The following STIP1 variants were observed in gnomAD, a reference collection of about 807,000 sequenced individuals.
The protein encoded by STIP1 is stress induced phosphoprotein 1, also known as stress-induced-phosphoprotein 1.
A neutral mutation model predicts 77.4 loss-of-function variants in STIP1; 16 were observed. The observed-to-expected ratio is 0.21, with a 90% CI of 0.14 to 0.31. STIP1 has a LOEUF of 0.31. Among genes scored for constraint, STIP1 ranks in the 10% least tolerant of loss-of-function variants. The pLI, the probability that STIP1 is intolerant of heterozygous loss-of-function variation, is 1.00. For missense variants in STIP1, 524 were observed against 684.8 expected (o/e 0.77, Z 2.62); for synonymous variants, 258 against 246.6 (o/e 1.05, Z -0.44).
At chr11:64,198,651 C>A (rs1946177807) in intron 8 of STIP1, among the ~76,000 whole-genome samples, 1 of 151,916 alleles carries the variant, frequency 6.6e-6, no homozygotes, top group African/African-American at 2.4e-5. Flanking sequence ...CTGGCTGAAC[C>A]TGATCTTTTT....
upstream of STIP1, chr11:64,186,041 G>A: frequency 3.2e-6 from 5 of 1,545,746 alleles, no homozygotes; most frequent in Admixed American, 5.9e-5. Flanking sequence ...ATTACTCCCC[G>A]CTGTCCAATG....
At chr11:64,197,434 G>T in intron 6 of STIP1, 37 bp downstream of exon 6, 2 of 1,614,128 alleles carry the variant, frequency 1.2e-6, no homozygotes, top group Non-Finnish European at 1.7e-6. Context: ...GAATTGTTGG[G>T]TGTCTCTGAG....
intron 2 of STIP1, 140 bp downstream of exon 2, chr11:64,193,427 A>G (rs1591007702): frequency 1.4e-6 from 1 of 731,676 alleles, no homozygotes; most frequent in African/African-American, 1.8e-5. Context: ...CAGAAATGGC[A>G]TTTTTCATCA....
intron 1 of STIP1, chr11:64,186,562 C>T (rs1200178242): frequency 7.9e-6 from 2 of 253,516 alleles, no homozygotes; most frequent in East Asian, 7.6e-5. Flanking sequence ...CGCGACCGGG[C>T]CCTGAAGGCG....
intron 8 of STIP1, 68 bp downstream of exon 8, chr11:64,198,042 T>G (rs1591012026): frequency 1.9e-6 from 3 of 1,547,266 alleles, no homozygotes; most frequent in East Asian, 2.3e-5. Flanking sequence ...TCTTACTGTT[T>G]TATTTAATAA....
chr11:64,185,934 C>A (rs1400685171), upstream of STIP1: 1 of 1,536,526 alleles, frequency 6.5e-7, no homozygotes, highest in South Asian at 1.2e-5. Context: ...ATCCGTGTCG[C>A]AGAAGTTCGC....
At chr11:64,186,116 T>C, upstream of STIP1, 3 of 1,550,618 alleles carry the variant, frequency 1.9e-6, no homozygotes, top group East Asian at 4.9e-5. Context: ...ACATTCCCCC[T>C]AGAAGAACTC....
rs550952149 is a variant in STIP1, at chr11:64,194,766, T to C, written c.503+146T>C. On this transcript the variant is annotated intron_variant, in intron 4 of 13. Coordinates refer to ENST00000305218, the MANE Select transcript of STIP1 (RefSeq NM_006819.3). ...TGCAGAGCAGTAGGTGGTGGTCGTTTATTTGTAATTATAGAAAGGGTCAGG... is the reference window on the plus strand; with the variant it reads ...TGCAGAGCAGTAGGTGGTGGTCGTTCATTTGTAATTATAGAAAGGGTCAGG... 274 of 1,040,174 alleles carry C rather than the reference T, an allele frequency of 2.6e-4. No homozygotes were observed. The African/African-American group carries it at 4.1e-3, about 16-fold the overall frequency. 64.4% of individuals were successfully genotyped at this position (1,040,174 alleles called of 1,614,324 possible).
chr11:64,185,775 G>T, upstream of STIP1: 1 of 1,531,496 alleles, frequency 6.5e-7, no homozygotes, highest in Non-Finnish European at 8.7e-7. Flanking sequence ...CAAAGAGTTG[G>T]CAACCCTCCG....
At chr11:64,198,653 GATC>G (rs1946177887) in intron 8 of STIP1, among the ~76,000 whole-genome samples, 1 of 151,466 alleles carries the variant, frequency 6.6e-6, no homozygotes, top group Non-Finnish European at 1.5e-5. Context: ...GGCTGAACCT[GATC>G]TTTTTTTAGG....
chr11:64,193,314 A>G (rs760835244), intron 2 of STIP1, 27 bp downstream of exon 2: 2 of 1,610,830 alleles, frequency 1.2e-6, no homozygotes, highest in Admixed American at 3.3e-5. Flanking sequence ...GGAGGGAGAG[A>G]GGCCCTTCAG....
intron 8 of STIP1, among the ~76,000 whole-genome samples, chr11:64,198,950 A>G (rs1239049223): frequency 6.6e-6 from 1 of 151,906 alleles, no homozygotes; most frequent in East Asian, 1.9e-4. Context: ...CTGTAATCCC[A>G]GCACTTTGGG....
At chr11:64,191,533 G>C (rs1338599228) in intron 1 of STIP1, among the ~76,000 whole-genome samples, 5 of 152,188 alleles carry the variant, frequency 3.3e-5, no homozygotes, top group African/African-American at 1.2e-4. Context: ...TTGAACCTAG[G>C]AGGCGGAGGT....
chr11:64,186,221 G>T lies in STIP1; in HGVS notation c.-41G>T. The T allele has an allele frequency of 6.4e-7, 1 of 1,550,784 alleles. No individual in the cohort carries two copies. Among genetic ancestry groups the T allele is most frequent in the Non-Finnish European group, 8.7e-7 (1 of 1,146,954 alleles). ...GCGCGTGCGGTTGGGAACGCGGAGC[G>T]GACGGATTCGATTCAACGGGGTTCC... On this transcript the variant is annotated 5_prime_UTR_variant, in exon 1 of 14. Coordinates refer to ENST00000305218, the MANE Select transcript of STIP1 (RefSeq NM_006819.3).
At chr11:64,199,445 T>C (rs1285129702) in intron 8 of STIP1, among the ~76,000 whole-genome samples, 2 of 141,710 alleles carry the variant, frequency 1.4e-5, no homozygotes, top group Non-Finnish European at 3.1e-5. Flanking sequence ...AGGCAGAGCT[T>C]GCAGTGAGCC....
Position 64,197,255 on chromosome 11 carries a change from T to C in STIP1, c.673-16T>C. ...GAGTTAGATTTGCTCAGCACTCACT[T>C]CTAAACCTCATCTAGGCACTGAAAG... is the stretch of plus-strand genomic sequence containing the variant. On this transcript the variant is annotated splice_polypyrimidine_tract_variant and intron_variant, in intron 5 of 13. Transcript: ENST00000305218. 1 of 1,613,888 alleles carries C rather than the reference T, an allele frequency of 6.2e-7. No homozygotes were observed. Among genetic ancestry groups the C allele is most frequent in the Non-Finnish European group, 8.5e-7 (1 of 1,179,974 alleles).
chr11:64,188,047 A>T (rs1326689858), intron 1 of STIP1, among the ~76,000 whole-genome samples: 1 of 151,004 alleles, frequency 6.6e-6, no homozygotes, highest in African/African-American at 2.4e-5. Context: ...CAAAAAAAAA[A>T]AAAAAAAAAA....
chr11:64,188,498 C>T (rs1280882104), intron 1 of STIP1, among the ~76,000 whole-genome samples: 1 of 152,128 alleles, frequency 6.6e-6, no homozygotes, highest in Non-Finnish European at 1.5e-5. Context: ...AGCGATCCTC[C>T]TGCCTCACTC....
intron 1 of STIP1, among the ~76,000 whole-genome samples, chr11:64,188,478 C>A (rs1946053344): frequency 6.6e-6 from 1 of 152,066 alleles, no homozygotes; most frequent in Non-Finnish European, 1.5e-5. Context: ...GCCTCAAGTT[C>A]CTGGCCTCAA....
Sources: gnomAD v4.1 joint callset for allele counts (sites outside exome capture counted in the v4.1 genomes callset) on GRCh38, gnomAD v4.1.1 for gene constraint, MANE v1.5 for transcripts, NCBI Gene and HGNC (gene_info 2026-07-23, HGNC 2026-07-21) for gene names.